The following ABCA7 variants were observed in gnomAD, a reference collection of about 807,000 sequenced individuals.
The protein encoded by ABCA7 is phospholipid-transporting ATPase ABCA7.
A neutral mutation model predicts 227.6 loss-of-function variants in ABCA7; 261 were observed. That is an observed-to-expected ratio of 1.15 (90% CI 1.04 to 1.27). ABCA7 has a LOEUF of 1.27. ABCA7 is among the 50% of genes most tolerant of loss of function. The pLI, the probability that ABCA7 is intolerant of heterozygous loss-of-function variation, is 0.00. For missense variants in ABCA7, 3,331 were observed against 2,924.5 expected (o/e 1.14, Z -3.21); for synonymous variants, 1,488 against 1,279.7 (o/e 1.16, Z -3.47).
rs1365680066 is a variant in ABCA7 at position 1,054,586 on chromosome 19, T to C, written c.3743T>C (p.Leu1248Pro). 1.2e-6 allele frequency: 2 copies of C among 1,611,136 alleles called. No homozygotes were observed. The highest frequency in any genetic ancestry group is 2.2e-5 in the South Asian group (2 of 91,026). The change falls in exon 28 of 47, where the codon CTC becomes CCC. Residue 1248 changes from leucine (L) to proline (P), a missense_variant. Leu to Pro is a moderately conservative substitution (Grantham distance 98). Transcript: ENST00000263094. This position sits in a 1 kb window ranked among gnomAD's most constrained non-coding sequence, Gnocchi z 4.8. ...GLFAQIVLPA[L>P]FVGLALVFSL... ...GTCCCCCAGATCGTGCTGCCTGCCC[T>C]CTTTGTGGGCCTGGCCCTCGTGTTC...
chr19:1,061,732 G>T, intron 40 of ABCA7, 50 bp from the exon 41 acceptor site: 1 of 1,509,462 alleles, frequency 6.6e-7, no homozygotes, highest in Non-Finnish European at 9.0e-7. Context: ...AGAGATGCCG[G>T]AACCAGGGCC....
chr19:1,046,418 C>G lies in ABCA7; in HGVS notation c.1622+12C>G, dbSNP rs1283400524. 1 of 1,532,500 alleles carries G rather than the reference C, an allele frequency of 6.5e-7. No individual in the cohort carries two copies. Among genetic ancestry groups the G allele is most frequent in the Admixed American group, 1.9e-5 (1 of 52,212 alleles). 94.9% of individuals were successfully genotyped at this position (1,532,500 alleles called of 1,614,324 possible). ...TATGTGGACGACGTGTGAGCTCTGG[C>G]ACCCCTCCCCGCTCTTCCCCGCGGC... On this transcript the variant is annotated intron_variant, in intron 13 of 46. Coordinates refer to ENST00000263094, the MANE Select transcript of ABCA7 (RefSeq NM_019112.4).
Position 1,063,580 on chromosome 19 carries a change from T to G in ABCA7, c.5749T>G (p.Trp1917Gly). ...GGGCCTGGCGCGTCTGGGACTCTCA[T>G]GGTACGCAGACCGGCCTGCAGGCAC... Reference protein sequence around the residue: ...GSGLARLGLSWYADRPAGTYS... With the variant: ...GSGLARLGLSGYADRPAGTYS... Residue 1917 changes from tryptophan (W) to glycine (G), a missense_variant, in exon 43 of 47, where the codon TGG becomes GGG. Physicochemically the swap from Trp to Gly is radical, Grantham distance 184. Transcript: ENST00000263094. 6.2e-7 allele frequency: 1 copy of G among 1,611,118 alleles called. No individual in the cohort carries two copies. Among genetic ancestry groups the G allele is most frequent in the Non-Finnish European group, 8.5e-7 (1 of 1,179,902 alleles).
chr19:1,043,026 G>A lies in ABCA7; in HGVS notation c.580-15G>A, dbSNP rs947738736. On this transcript the variant is annotated splice_polypyrimidine_tract_variant and intron_variant, in intron 7 of 46. Coordinates refer to ENST00000263094, the MANE Select transcript of ABCA7 (RefSeq NM_019112.4). Reference sequence around the variant, plus strand: ...GTGGGATCATTGCCAGCTCCGTCTGGTAACCTCTCTCTAGCTCCTGGCGCT... The same window carrying A: ...GTGGGATCATTGCCAGCTCCGTCTGATAACCTCTCTCTAGCTCCTGGCGCT... The A allele has an allele frequency of 6.3e-7, 1 of 1,586,342 alleles. No homozygotes were observed.
chr19:1,059,742 T>G (rs549832394), intron 40 of ABCA7, among the ~76,000 whole-genome samples: 6 of 151,332 alleles, frequency 4.0e-5, no homozygotes, highest in South Asian at 4.2e-4. Context: ...TTTTGTATTT[T>G]TAGTAGAGAC....
chr19:1,042,490 T>A, intron 6 of ABCA7, 93 bp downstream of exon 6: 1 of 1,441,086 alleles, frequency 6.9e-7, no homozygotes, highest in Non-Finnish European at 9.6e-7. Flanking sequence ...GACCTCCCGT[T>A]CCAGGCATCC....
In ABCA7 at chr19:1,053,763, T is replaced by C. The variant is rs1409129758; in HGVS notation, c.3424-25T>C. 5 of 1,605,688 alleles carry C rather than the reference T, an allele frequency of 3.1e-6. No homozygotes were observed. In the Admixed American group the frequency reaches 5.1e-5, roughly 16 times the overall value. On this transcript the variant is annotated intron_variant, in intron 24 of 46. Coordinates refer to ENST00000263094, the MANE Select transcript of ABCA7 (RefSeq NM_019112.4). The stretch of plus-strand genomic sequence containing the variant: ...CAGTTCTCCCTGTCGGTGTCCAGTC[T>C]CTGAGCCCCTGCTTGTCTCCCCAGA...
rs1568394836 is a variant in ABCA7, at chr19:1,058,079, G to C, written c.5025+20G>C. On this transcript the variant is annotated intron_variant, in intron 36 of 46. Transcript: ENST00000263094. ...GATCAGGTGGGGCACCACGAGGCTG[G>C]GGCTTGGGCTGGGTTGGGTCGTTGG... The C allele has an allele frequency of 8.1e-6, 13 of 1,613,968 alleles. No homozygotes were observed. Among genetic ancestry groups the C allele is most frequent in the Non-Finnish European group, 1.1e-5 (13 of 1,179,942 alleles).
chr19:1,047,625 C>T lies in ABCA7; in HGVS notation c.2240C>T (p.Ala747Val). 6.3e-7 allele frequency: 1 copy of T among 1,599,222 alleles called. No homozygotes were observed. Among genetic ancestry groups the T allele is most frequent in the Non-Finnish European group, 8.5e-7 (1 of 1,177,552 alleles). Residue 747 changes from alanine to valine, a missense_variant, in exon 16 of 47, where the codon GCC becomes GTC. Coordinates refer to ENST00000263094, the MANE Select transcript of ABCA7 (RefSeq NM_019112.4). ...LLLDAALYGL[A>V]TWYLEAVCPG... ...CTGGACGCGGCGCTCTACGGCCTCG[C>T]CACCTGGTACCTGGAAGCTGTGTGC...
chr19:1,061,390 CAAAAAA>C (rs978850571), intron 40 of ABCA7, among the ~76,000 whole-genome samples: 4 of 36,910 alleles, frequency 1.1e-4, no homozygotes, highest in Middle Eastern at 0.014. Flanking sequence ...GGCTCCGTCT[CAAAAAA>C]AAAAAAAAAA....
Position 1,063,561 on chromosome 19 carries a change from G to A in ABCA7, c.5730G>A (p.Leu1910=). 6.2e-7 allele frequency: 1 copy of A among 1,610,746 alleles called. No homozygotes were observed. The highest frequency in any genetic ancestry group is 8.5e-7 in the Non-Finnish European group (1 of 1,179,914). ...CCCCACAGACCGCTGGCTCGGGCCT[G>A]GCGCGTCTGGGACTCTCATGGTACG... ...AQVAQTAGSG[L]ARLGLSWYAD... is the part of the protein sequence containing the mutation. The change falls in exon 43 of 47, where the codon CTG becomes CTA. Residue 1910 remains leucine, a synonymous_variant. Coordinates refer to ENST00000263094, the MANE Select transcript of ABCA7 (RefSeq NM_019112.4).
Position 1,053,418 on chromosome 19 carries a change from C to T in ABCA7, c.3310C>T (p.Pro1104Ser). Reference protein sequence around the residue: ...ELPHELVLVLPYTGAHDGSFA... With the variant: ...ELPHELVLVLSYTGAHDGSFA... ...GCCACACGAGCTGGTGCTGGTGCTG[C>T]CCTACACGGGTGCCCATGACGGCAG... The change falls in exon 24 of 47, where the codon CCC becomes TCC. Residue 1104 changes from proline to serine, a missense_variant. Coordinates refer to ENST00000263094, the MANE Select transcript of ABCA7 (RefSeq NM_019112.4). 1.9e-6 allele frequency: 3 copies of T among 1,607,586 alleles called. No individual in the cohort carries two copies. The highest frequency in any genetic ancestry group is 2.5e-6 in the Non-Finnish European group (3 of 1,178,502).
chr19:1,056,538 C>T lies in ABCA7; in HGVS notation c.4586+39C>T, dbSNP rs1407432285. ...CCCTGCATGTCCTACCCTGCACGTC[C>T]TACCCTGCCTCCATTTCTCTGTCGT... On this transcript the variant is annotated intron_variant, in intron 33 of 46. Coordinates refer to ENST00000263094, the MANE Select transcript of ABCA7 (RefSeq NM_019112.4). This position sits in a 1 kb window ranked among gnomAD's most constrained non-coding sequence, Gnocchi z 4.3. The T allele has an allele frequency of 6.4e-7, 1 of 1,570,862 alleles. No homozygotes were observed. Among genetic ancestry groups the T allele is most frequent in the Non-Finnish European group, 8.7e-7 (1 of 1,155,156 alleles).
Position 1,056,467 on chromosome 19 carries a change from C to A in ABCA7, c.4554C>A (p.Asn1518Lys). The change falls in exon 33 of 47, where the codon AAC becomes AAA. Residue 1518 changes from asparagine to lysine, a missense_variant. By Grantham distance (94) the Asn-to-Lys change is moderately conservative (BLOSUM62 0). Transcript: ENST00000263094. The surrounding 1 kb of genome is among the most constrained non-coding windows in gnomAD (Gnocchi z 4.3). Reference sequence around the variant, plus strand: ...TCACCACACTCAACCACCCCTTGAACCTCACCAAGGAGCAGCTGTCTGAGG... The same window carrying A: ...TCACCACACTCAACCACCCCTTGAAACTCACCAAGGAGCAGCTGTCTGAGG... The part of the protein sequence containing the change: ...HSITTLNHPL[N>K]LTKEQLSEGA... 6.2e-7 allele frequency: 1 copy of A among 1,613,562 alleles called. No homozygotes were observed.
chr19:1,044,527 A>G (rs773603420), intron 10 of ABCA7, 50 bp from the exon 11 acceptor site: 442 of 1,578,356 alleles, frequency 2.8e-4, no homozygotes, highest in Non-Finnish European at 3.6e-4. Context: ...GATTACAGGC[A>G]TGAGCCACTG....
intron 10 of ABCA7, 83 bp downstream of exon 10, chr19:1,043,924 G>A (rs1002323342): frequency 4.3e-5 from 49 of 1,144,318 alleles, no homozygotes; most frequent in Admixed American, 1.6e-4. Context: ...GGTGGGCTCC[G>A]TGCAGACCCC....
chr19:1,063,537 C>T lies in ABCA7; in HGVS notation c.5713-7C>T, dbSNP rs371537050. The stretch of plus-strand genomic sequence containing the variant: ...GTCCCCATGCCTACTCTGGCCCCAC[C>T]CCACAGACCGCTGGCTCGGGCCTGG... On this transcript the variant is annotated splice_polypyrimidine_tract_variant and splice_region_variant and intron_variant, in intron 42 of 46. Transcript: ENST00000263094. The T allele has an allele frequency of 3.0e-5, 48 of 1,609,836 alleles. No homozygotes were observed. The highest frequency in any genetic ancestry group is 2.7e-4 in the East Asian group (12 of 44,890).
At position 1,058,615 on chromosome 19, in the gene ABCA7, C is replaced by A; in HGVS notation, c.5150-3C>A. Reference sequence around the variant, plus strand: ...ACCCAGTCCCTCCTTTCTATATCCACAGGAGACAGGCAGTTCCAGTCACCC... The same window carrying A: ...ACCCAGTCCCTCCTTTCTATATCCAAAGGAGACAGGCAGTTCCAGTCACCC... On this transcript the variant is annotated splice_polypyrimidine_tract_variant and splice_region_variant and intron_variant, in intron 37 of 46. Transcript: ENST00000263094. The A allele has an allele frequency of 6.2e-7, 1 of 1,613,748 alleles. No homozygotes were observed. The highest frequency in any genetic ancestry group is 8.5e-7 in the Non-Finnish European group (1 of 1,179,958).
At chr19:1,045,304 C>G (rs2040509664) in intron 12 of ABCA7, 73 bp downstream of exon 12, 1 of 1,374,276 alleles carries the variant, frequency 7.3e-7, no homozygotes, top group Non-Finnish European at 9.9e-7. Context: ...GGCCAGGCAG[C>G]ATTCAGCCTA....
Sources: allele counts gnomAD v4.1 joint callset (sites outside exome capture counted in the v4.1 genomes callset), GRCh38; gene constraint gnomAD v4.1.1; non-coding constraint Gnocchi (gnomAD v3.1); transcripts MANE v1.5; gene names NCBI Gene and HGNC (gene_info 2026-07-23, HGNC 2026-07-21).